EPC2: variants seen among roughly 807,000 people sequenced by gnomAD.
The protein encoded by EPC2 is enhancer of polycomb 2, also known as enhancer of polycomb homolog 2.
EPC2 carries 14 observed loss-of-function variants against 92.1 expected under a neutral mutation model. That is an observed-to-expected ratio of 0.15 (90% confidence interval 0.10 to 0.24). The LOEUF (loss-of-function observed/expected upper bound fraction) is 0.24. EPC2 is among the 10% of genes least tolerant of loss of function. The probability of loss-of-function intolerance (pLI) is 1.00; values close to 1 mark genes in which losing one functional copy is unlikely to be tolerated. For synonymous variants in EPC2, 340 were observed against 334.7 expected (o/e 1.02, Z -0.17); for missense variants, 755 against 971.5 (o/e 0.78, Z 2.96).
chr2:148,743,593 A>C, intron 2 of EPC2, 29 bp from the exon 3 acceptor site: 4 of 1,493,376 alleles, frequency 2.7e-6, no homozygotes, highest in Non-Finnish European at 2.7e-6. Context: ...ATTTCTCCTG[A>C]GTTTGAAGAA....
chr2:148,786,200 T>C, intron 13 of EPC2, 105 bp from the exon 14 acceptor site: 2 of 927,388 alleles, frequency 2.2e-6, no homozygotes, highest in Non-Finnish European at 3.3e-6. Context: ...TGTGAAGTCA[T>C]GTTTAGTTGT....
intron 1 of EPC2, among the ~76,000 whole-genome samples, chr2:148,677,361 T>C (rs1046816166): frequency 2.4e-4 from 37 of 152,152 alleles, no homozygotes; most frequent in Admixed American, 2.2e-3. Flanking sequence ...TGTGATCTGT[T>C]TAAAAATTTT....
In EPC2 at chr2:148,784,705, A is replaced by G; in HGVS notation, c.2055A>G (p.Leu685=). 6.2e-7 allele frequency: 1 copy of G among 1,612,814 alleles called. No homozygotes were observed. Among genetic ancestry groups the G allele is most frequent in the South Asian group, 1.1e-5 (1 of 90,850 alleles). ...SKTLYSTNMA[L]SSSPGISAVQ... ...CATTATACTCCACCAATATGGCTTT[A>G]TCATCCAGCCCAGGGATTTCAGCTG... The change falls in exon 13 of 14, where the codon TTA becomes TTG. Residue 685 remains leucine (L), a synonymous_variant. Coordinates refer to ENST00000258484, the MANE Select transcript of EPC2 (RefSeq NM_015630.4).
At chr2:148,714,239 A>ATC (rs1208870085) in intron 2 of EPC2, among the ~76,000 whole-genome samples, 1 of 151,154 alleles carries the variant, frequency 6.6e-6, no homozygotes, top group African/African-American at 2.4e-5. Context: ...AGAGGGCATG[A>ATC]TCTCGTTCCT....
chr2:148,704,322 G>C (rs1362290852), intron 2 of EPC2, among the ~76,000 whole-genome samples: 2 of 152,176 alleles, frequency 1.3e-5, no homozygotes, highest in Non-Finnish European at 2.9e-5. Flanking sequence ...GAATCATAGA[G>C]ACAGACAGTA....
At chr2:148,673,010 ACT>A (rs1381509560) in intron 1 of EPC2, among the ~76,000 whole-genome samples, 18 of 151,890 alleles carry the variant, frequency 1.2e-4, no homozygotes, top group Non-Finnish European at 2.2e-4. Context: ...TGGATATATT[ACT>A]CTGTTTCCTG....
chr2:148,752,794 C>G (rs1281158002), intron 3 of EPC2, among the ~76,000 whole-genome samples: 1 of 152,156 alleles, frequency 6.6e-6, no homozygotes, highest in Non-Finnish European at 1.5e-5. Flanking sequence ...TATACCAACA[C>G]AAGAAATCAT....
chr2:148,677,563 C>T (rs1046678837), intron 1 of EPC2, among the ~76,000 whole-genome samples: 2 of 152,042 alleles, frequency 1.3e-5, no homozygotes, highest in Admixed American at 1.3e-4. Context: ...GTATTCCCAG[C>T]TACTTGAGAG....
intron 2 of EPC2, among the ~76,000 whole-genome samples, chr2:148,704,477 T>G (rs1681953675): frequency 6.6e-6 from 1 of 152,196 alleles, no homozygotes; most frequent in Non-Finnish European, 1.5e-5. Flanking sequence ...TTAATACCAC[T>G]GAACTGCACA....
intron 2 of EPC2, among the ~76,000 whole-genome samples, chr2:148,723,009 A>C (rs922662301): frequency 6.6e-6 from 1 of 152,160 alleles, no homozygotes; most frequent in African/African-American, 2.4e-5. Context: ...AACAAGAGAC[A>C]CTGGGACCTC....
At chr2:148,781,465 A>G (rs1219050835) in intron 10 of EPC2, among the ~76,000 whole-genome samples, 179 bp from the exon 11 acceptor site, 2 of 152,196 alleles carry the variant, frequency 1.3e-5, no homozygotes, top group Admixed American at 1.3e-4. Context: ...TATAAATACA[A>G]GCATACACCA....
intron 1 of EPC2, among the ~76,000 whole-genome samples, chr2:148,653,671 C>T (rs1432205534): frequency 1.3e-5 from 2 of 150,856 alleles, no homozygotes; most frequent in African/African-American, 4.9e-5. Context: ...TGCTACCTCT[C>T]TTAACTCCTA....
chr2:148,696,474 ATAAAT>A (rs772643363), intron 2 of EPC2, among the ~76,000 whole-genome samples: 8 of 152,246 alleles, frequency 5.3e-5, no homozygotes, highest in Non-Finnish European at 8.8e-5. Context: ...ATACAATGCA[ATAAAT>A]TAAAGACCAT....
intron 10 of EPC2, among the ~76,000 whole-genome samples, chr2:148,776,195 A>C (rs115082924): frequency 0.016 from 2,376 of 152,290 alleles, 72 homozygotes; most frequent in African/African-American, 0.054. Flanking sequence ...AATGTTTGCA[A>C]CTATGATAGT....
intron 1 of EPC2, among the ~76,000 whole-genome samples, chr2:148,680,542 G>A (rs1468721920): frequency 2.6e-5 from 4 of 152,134 alleles, no homozygotes; most frequent in Admixed American, 6.5e-5. Context: ...TATTTATTTC[G>A]TTTGGAGGTT....
intron 3 of EPC2, among the ~76,000 whole-genome samples, chr2:148,748,463 A>G (rs908533889): frequency 4.6e-5 from 7 of 152,128 alleles, no homozygotes; most frequent in South Asian, 2.1e-4. Flanking sequence ...CTTCTTTAAA[A>G]TCATCCCAAA....
intron 1 of EPC2, among the ~76,000 whole-genome samples, chr2:148,646,323 G>A (rs931692054): frequency 1.3e-5 from 2 of 152,146 alleles, no homozygotes; most frequent in Non-Finnish European, 2.9e-5. Context: ...ACCTCATTAT[G>A]TTACCCTGTT....
intron 1 of EPC2, among the ~76,000 whole-genome samples, chr2:148,682,542 A>G (rs1435927532): frequency 6.6e-6 from 1 of 152,198 alleles, no homozygotes; most frequent in African/African-American, 2.4e-5. Flanking sequence ...TCTCCAATAC[A>G]TAATCTTATT....
At position 148,770,826 on chromosome 2, in the gene EPC2, A is replaced by G. The variant is rs758101095; in HGVS notation, c.1265A>G (p.Asn422Ser). 1 of 1,613,444 alleles carries G rather than the reference A, an allele frequency of 6.2e-7. No individual in the cohort carries two copies. Among genetic ancestry groups the G allele is most frequent in the Admixed American group, 1.7e-5 (1 of 59,910 alleles). ...GACCAAGCTAACCATTCATGTGAAA[A>G]TTCAGAATTGGCAGATTTGGATAAG... ...RLDQANHSCENSELADLDKLR... is the reference protein window; with the variant it reads ...RLDQANHSCESSELADLDKLR... Residue 422 changes from asparagine (N) to serine (S), a missense_variant, in exon 9 of 14, where the codon AAT becomes AGT. Asn to Ser is a conservative substitution (Grantham distance 46). This residue lies in a region of EPC2 where 509 missense variants were observed against 607.7 expected (regional missense o/e 0.84). Coordinates refer to ENST00000258484, the MANE Select transcript of EPC2 (RefSeq NM_015630.4).
Sources: allele counts gnomAD v4.1 joint callset (sites outside exome capture counted in the v4.1 genomes callset), GRCh38; gene constraint gnomAD v4.1.1; regional missense constraint gnomAD v4.1.1; transcripts MANE v1.5; gene names NCBI Gene and HGNC (gene_info 2026-07-23, HGNC 2026-07-21).